The following STX8 variants were observed in gnomAD, a reference collection of about 807,000 sequenced individuals.
STX8 encodes the protein syntaxin 8, also known as syntaxin-8.
In STX8, 23 loss-of-function variants were observed where a neutral mutation model predicts 37.5. The ratio of observed to expected loss-of-function variants is 0.61; its 90% CI spans 0.44 to 0.87. The LOEUF is 0.87. STX8 is among the 40% of genes least tolerant of loss of function. The pLI, the probability that STX8 is intolerant of heterozygous loss-of-function variation, is 0.00. For synonymous variants in STX8, 115 were observed against 99.1 expected, an observed-to-expected ratio of 1.16 and a Z score of -0.95; for missense variants, 313 against 284.7, an observed-to-expected ratio of 1.10 and a Z score of -0.71.
intron 7 of STX8, among the ~76,000 whole-genome samples, chr17:9,376,126 C>T (rs73255898): frequency 0.011 from 1,637 of 152,244 alleles, 31 homozygotes; most frequent in African/African-American, 0.036. Flanking sequence ...GAGGTGAAGC[C>T]GGCTGGACTT....
intron 4 of STX8, among the ~76,000 whole-genome samples, chr17:9,539,207 A>G (rs1906176215): frequency 6.6e-6 from 1 of 152,084 alleles, no homozygotes; most frequent in Non-Finnish European, 1.5e-5. Context: ...ATCCAAACTG[A>G]AGTTTGACCA....
chr17:9,427,666 G>A (rs1913687291), intron 6 of STX8, among the ~76,000 whole-genome samples: 1 of 152,108 alleles, frequency 6.6e-6, no homozygotes, highest in Non-Finnish European at 1.5e-5. Context: ...ACAAATGACA[G>A]AGTGGCAACT....
chr17:9,325,174 G>A (rs995596867), intron 7 of STX8, among the ~76,000 whole-genome samples: 2 of 152,156 alleles, frequency 1.3e-5, no homozygotes, highest in African/African-American at 4.8e-5. Flanking sequence ...ATGTTCAATA[G>A]ATTAAGGGTA....
At chr17:9,574,332 G>C (rs1032909220) in intron 1 of STX8, among the ~76,000 whole-genome samples, 9 of 100,004 alleles carry the variant, frequency 9.0e-5, no homozygotes, top group African/African-American at 3.0e-4. Context: ...CAATGACATA[G>C]AGAAATGCTG....
At chr17:9,378,749 C>T (rs1184491896) in intron 6 of STX8, 96 bp from the exon 7 acceptor site, 4 of 900,956 alleles carry the variant, frequency 4.4e-6, no homozygotes, top group East Asian at 2.5e-5. Context: ...ATAATGATCT[C>T]GAGTGCAGTA....
chr17:9,471,210 G>A (rs1471783653), intron 6 of STX8, among the ~76,000 whole-genome samples: 1 of 137,282 alleles, frequency 7.3e-6, no homozygotes, highest in Non-Finnish European at 1.5e-5. Flanking sequence ...GGAATGCAGT[G>A]GCATGATCTT....
chr17:9,523,506 G>A (rs1406921045), intron 4 of STX8, among the ~76,000 whole-genome samples: 1 of 152,006 alleles, frequency 6.6e-6, no homozygotes, highest in Non-Finnish European at 1.5e-5. Context: ...GACACCATCT[G>A]CAATAACAAC....
chr17:9,458,250 C>T (rs1296115520), intron 6 of STX8, among the ~76,000 whole-genome samples: 1 of 151,946 alleles, frequency 6.6e-6, no homozygotes, highest in Non-Finnish European at 1.5e-5. Context: ...CCTGGGCTCA[C>T]GCCATTCTCC....
intron 7 of STX8, 89 bp from the exon 8 acceptor site, chr17:9,250,734 A>AT (rs1597563419): frequency 7.5e-7 from 1 of 1,342,280 alleles, no homozygotes; most frequent in Non-Finnish European, 1.0e-6. Context: ...ACTCAGAGGG[A>AT]TGTAGTTCCC....
chr17:9,434,833 A>C (rs746913714), intron 6 of STX8, among the ~76,000 whole-genome samples: 2 of 152,172 alleles, frequency 1.3e-5, no homozygotes, highest in African/African-American at 4.8e-5. Flanking sequence ...GAGGTGGGTT[A>C]TTTAGACCTT....
At chr17:9,277,265 C>T (rs902984962) in intron 7 of STX8, among the ~76,000 whole-genome samples, 7 of 152,236 alleles carry the variant, frequency 4.6e-5, no homozygotes, top group East Asian at 3.9e-4. Context: ...ATGTCCCTAC[C>T]GCTATTTCTC....
At chr17:9,406,250 G>GT (rs1912798827) in intron 6 of STX8, among the ~76,000 whole-genome samples, 1 of 152,138 alleles carries the variant, frequency 6.6e-6, no homozygotes, top group South Asian at 2.1e-4. Context: ...TGAATCACTA[G>GT]TATCACATTG....
At chr17:9,530,096 A>G (rs1905753253) in intron 4 of STX8, among the ~76,000 whole-genome samples, 1 of 152,138 alleles carries the variant, frequency 6.6e-6, no homozygotes, top group Non-Finnish European at 1.5e-5. Context: ...TCATGAGGTC[A>G]GGAGATCGAG....
intron 7 of STX8, among the ~76,000 whole-genome samples, chr17:9,297,241 C>CA (rs112089232): frequency 0.11 from 9,750 of 90,084 alleles, 355 homozygotes; most frequent in African/African-American, 0.14. Flanking sequence ...CCAGAGTTTG[C>CA]AAAAAAAAAA....
chr17:9,374,049 T>C (rs747481248), intron 7 of STX8, among the ~76,000 whole-genome samples: 2 of 151,920 alleles, frequency 1.3e-5, no homozygotes, highest in African/African-American at 2.4e-5. Context: ...GTAGTTAAGA[T>C]GGTAAATTTT....
intron 6 of STX8, among the ~76,000 whole-genome samples, chr17:9,382,490 G>C (rs190509246): frequency 6.6e-6 from 1 of 152,104 alleles, no homozygotes; most frequent in Non-Finnish European, 1.5e-5. Context: ...GTGCAGGTTT[G>C]TTACATAGGT....
chr17:9,454,977 A>G (rs1905147107), intron 6 of STX8, among the ~76,000 whole-genome samples: 2 of 152,156 alleles, frequency 1.3e-5, no homozygotes, highest in Non-Finnish European at 2.9e-5. Flanking sequence ...GCGCTTTGGA[A>G]GGTCAAGGCG....
At chr17:9,429,959 A>T (rs1372506469) in intron 6 of STX8, among the ~76,000 whole-genome samples, 1 of 1,214 alleles carries the variant, frequency 8.2e-4, no homozygotes, top group South Asian at 0.038. Flanking sequence ...TATATATAAT[A>T]TATATATTAT....
chr17:9,491,871 G>GT lies in STX8; in HGVS notation c.498dup (p.Gln167ThrfsTer9). On this transcript the variant is annotated frameshift_variant, in exon 6 of 8. Coordinates refer to ENST00000306357, the MANE Select transcript of STX8 (RefSeq NM_004853.3). LOFTEE classifies it high-confidence loss of function. Reference sequence around the variant, plus strand: ...TCATTCCCAATTTCCTGCCCCATTTGTTTTTGGCGACTTATGATAGAGGAA... The same window carrying GT: ...TCATTCCCAATTTCCTGCCCCATTTGTTTTTTGGCGACTTATGATAGAGGAA... 6.2e-7 allele frequency: 1 copy of GT among 1,613,778 alleles called. No individual in the cohort carries two copies. Among genetic ancestry groups the GT allele is most frequent in the South Asian group, 1.1e-5 (1 of 91,044 alleles).
Sources: allele counts gnomAD v4.1 joint callset (sites outside exome capture counted in the v4.1 genomes callset), GRCh38; gene constraint gnomAD v4.1.1; transcripts MANE v1.5; gene names NCBI Gene and HGNC (gene_info 2026-07-23, HGNC 2026-07-21).